RPL3: variants seen among roughly 807,000 people sequenced by gnomAD.
RPL3 encodes ribosomal protein L3, also known as large ribosomal subunit protein uL3.
In RPL3, 3 loss-of-function variants were observed where a neutral mutation model predicts 46.0. The observed-to-expected ratio is 0.07, with a 90% CI of 0.03 to 0.17. The LOEUF (loss-of-function observed/expected upper bound fraction) is 0.17. RPL3 is among the 10% of genes least tolerant of loss of function. The pLI, the probability that RPL3 is intolerant of heterozygous loss-of-function variation, is 1.00. For missense variants in RPL3, 387 were observed against 532.7 expected (o/e 0.73, Z 2.69); for synonymous variants, 224 against 190.8 (o/e 1.17, Z -1.43).
At chr22:39,318,661 C>A in intron 1 of RPL3, 69 bp from the exon 2 acceptor site, 1 of 1,342,168 alleles carries the variant, frequency 7.5e-7, no homozygotes. Context: ...TTCCCAGCTG[C>A]TTAAGTTCCA....
intron 8 of RPL3, 118 bp from the exon 9 acceptor site, chr22:39,313,428 C>T (rs1004519532): frequency 7.3e-6 from 11 of 1,496,764 alleles, no homozygotes; most frequent in East Asian, 2.3e-5. Flanking sequence ...CCCCACCATC[C>T]GGCAGATGAG....
At position 39,313,713 on chromosome 22, in the gene RPL3, T is replaced by C. The variant is rs750001891; in HGVS notation, c.968A>G (p.Tyr323Cys). ...GACAAAGTCATTGGTCACTTCACCA[T>C]AGTGGACAAAGCCACCCTGGAAAAC... ...SINPLGGFVHYGEVTNDFVML... is the reference protein window; with the variant it reads ...SINPLGGFVHCGEVTNDFVML... The change falls in exon 8 of 10, where the codon TAT (tyrosine) becomes TGT (cysteine). Residue 323 changes from tyrosine to cysteine, a missense_variant. Physicochemically the swap from Tyr to Cys is radical, Grantham distance 194 (BLOSUM62 -2). Transcript: ENST00000216146. 1 of 1,614,080 alleles carries C rather than the reference T, an allele frequency of 6.2e-7. No individual in the cohort carries two copies. The highest frequency in any genetic ancestry group is 1.1e-5 in the South Asian group (1 of 91,082).
intron 4 of RPL3, 98 bp downstream of exon 4, chr22:39,316,608 G>C (rs940981936): frequency 6.6e-7 from 1 of 1,505,848 alleles, no homozygotes; most frequent in African/African-American, 1.4e-5. Flanking sequence ...TGGCAAGGGA[G>C]AAGCCTACCC....
Position 39,317,552 on chromosome 22 carries a change from A to G in RPL3, c.274T>C (p.Tyr92His). 2 of 1,613,984 alleles carry G rather than the reference A, an allele frequency of 1.2e-6. No homozygotes were observed. Among genetic ancestry groups the G allele is most frequent in the South Asian group, 1.1e-5 (1 of 91,074 alleles). ...PPMVVVGIVG[Y>H]VETPRGLRTF... ...CGGAGGCCTCGAGGGGTTTCCACGT[A>G]GCCCACAATGCCCACAACCACCATG... The change falls in exon 3 of 10, where the codon TAC becomes CAC. Residue 92 changes from tyrosine to histidine, a missense_variant. This residue lies in a region of RPL3 where 196 missense variants were observed against 217.5 expected (regional missense o/e 0.90). Transcript: ENST00000216146.
At chr22:39,316,611 G>A (rs1482079876) in intron 4 of RPL3, 95 bp downstream of exon 4, 87 of 1,519,756 alleles carry the variant, frequency 5.7e-5, no homozygotes, top group Non-Finnish European at 1.2e-5. Flanking sequence ...CAAGGGAGAA[G>A]CCTACCCATA....
At chr22:39,314,069 C>T (rs761466118) in intron 7 of RPL3, 38 bp downstream of exon 7, 2 of 1,578,266 alleles carry the variant, frequency 1.3e-6, no homozygotes, top group Non-Finnish European at 1.7e-6. Flanking sequence ...AGCACGAGGC[C>T]TGGGATGGCC....
intron 4 of RPL3, 144 bp from the exon 5 acceptor site, chr22:39,315,699 G>A (rs1922643552): frequency 1.1e-6 from 1 of 942,714 alleles, no homozygotes; most frequent in East Asian, 2.6e-5. Context: ...CTCACCAAGA[G>A]GAAGGAACTT....
At chr22:39,313,767 G>T in intron 7 of RPL3, 38 bp from the exon 8 acceptor site, 9 of 1,596,678 alleles carry the variant, frequency 5.6e-6, no homozygotes, top group Non-Finnish European at 7.7e-6. Flanking sequence ...GGCCCAGGAG[G>T]GGATTGTCGT....
At chr22:39,317,037 C>A in intron 3 of RPL3, 196 bp from the exon 4 acceptor site, 1 of 772,662 alleles carries the variant, frequency 1.3e-6, no homozygotes, top group Non-Finnish European at 2.1e-6. Flanking sequence ...CAGAGGTCCA[C>A]AAGGTTAATT....
At chr22:39,319,534 G>A (rs763616227) in intron 1 of RPL3, 61 bp downstream of exon 1, 11 of 1,553,648 alleles carry the variant, frequency 7.1e-6, no homozygotes, top group Admixed American at 1.9e-5. Context: ...GCGGCGATGC[G>A]TCGCGGATTC....
Position 39,314,670 on chromosome 22 carries a change from ACT to A in RPL3, c.849+14_849+15del. ...GGCCTCTTCCCACCCCCAGGGAGCC[ACT>A]CTCAGAACCTCACCTTCTTGTTGAT... On this transcript the variant is annotated intron_variant, in intron 6 of 9. Coordinates refer to ENST00000216146, the MANE Select transcript of RPL3 (RefSeq NM_000967.4). 1 of 1,604,072 alleles carries A rather than the reference ACT, an allele frequency of 6.2e-7. No individual in the cohort carries two copies. The highest frequency in any genetic ancestry group is 8.5e-7 in the Non-Finnish European group (1 of 1,173,688).
At chr22:39,319,499 C>T in intron 1 of RPL3, 96 bp downstream of exon 1, 4 of 1,524,340 alleles carry the variant, frequency 2.6e-6, no homozygotes, top group Middle Eastern at 1.7e-4. Flanking sequence ...TAAAGCAAAC[C>T]CCCGGCGCCG....
chr22:39,318,506 C>T lies in RPL3; in HGVS notation c.90G>A (p.Lys30=), dbSNP rs776530147. 6 of 1,613,794 alleles carry T rather than the reference C, an allele frequency of 3.7e-6. No homozygotes were observed. The highest frequency in any genetic ancestry group is 2.2e-5 in the South Asian group (2 of 91,074). ...KRSSRHRGKV[K]SFPKDDPSKP... is the part of the protein sequence containing the mutation. The stretch of plus-strand genomic sequence containing the variant: ...TGGACGGGTCATCCTTAGGGAAGCT[C>T]TTCACCTTCCCACGATGCCTGCTGC... Residue 30 remains lysine (K), a synonymous_variant, in exon 2 of 10, where the codon AAG becomes AAA. Transcript: ENST00000216146.
intron 7 of RPL3, 120 bp from the exon 8 acceptor site, chr22:39,313,849 G>C (rs200578774): frequency 1.0e-6 from 1 of 991,302 alleles, no homozygotes; most frequent in Non-Finnish European, 1.6e-6. Flanking sequence ...AACAAGGAAC[G>C]GTTCCGCAGT....
At chr22:39,318,019 T>C (rs1922811476) in intron 2 of RPL3, 1 of 344,700 alleles carries the variant, frequency 2.9e-6, no homozygotes, top group Non-Finnish European at 5.4e-6. Flanking sequence ...CATCTCTAAG[T>C]AGAACACACA....
chr22:39,317,080 C>T, intron 3 of RPL3: 1 of 641,840 alleles, frequency 1.6e-6, no homozygotes, highest in East Asian at 2.8e-5. Context: ...AATTCTTGCT[C>T]CGGGACAAAC....
At chr22:39,318,356 C>T in intron 2 of RPL3, 44 bp downstream of exon 2, 1 of 1,590,034 alleles carries the variant, frequency 6.3e-7, no homozygotes, top group South Asian at 1.1e-5. Context: ...ATTTCCCTCC[C>T]CCTCCACTCC....
chr22:39,314,615 A>G, intron 6 of RPL3, 71 bp downstream of exon 6: 2 of 1,508,982 alleles, frequency 1.3e-6, no homozygotes, highest in Non-Finnish European at 1.8e-6. Flanking sequence ...CAGCACTGAC[A>G]GGCACAGAAA....
At position 39,317,819 on chromosome 22, in the gene RPL3, A is replaced by G. The variant is rs1922800993; in HGVS notation, c.197-190T>C. ...CACATTTATGTTATTCAAACAAAAA[A>G]TATCAGGACCCTAGACAGCCAAATA... On this transcript the variant is annotated intron_variant, in intron 2 of 9. Coordinates refer to ENST00000216146, the MANE Select transcript of RPL3 (RefSeq NM_000967.4). 5 of 602,950 alleles carry G rather than the reference A, an allele frequency of 8.3e-6. No individual in the cohort carries two copies. The East Asian group carries it at 1.1e-4, about 14-fold the overall frequency. 37.3% of individuals were successfully genotyped at this position (602,950 alleles called of 1,614,324 possible).
Sources: allele counts gnomAD v4.1 joint callset, GRCh38; gene constraint gnomAD v4.1.1; regional missense constraint gnomAD v4.1.1; transcripts MANE v1.5; gene names NCBI Gene and HGNC (gene_info 2026-07-23, HGNC 2026-07-21).